Variants in GRIK1 observed in about 807,000 individuals in gnomAD.
The protein encoded by GRIK1 is glutamate receptor ionotropic, kainate 1.
A neutral mutation model predicts 105.7 loss-of-function variants in GRIK1; 69 were observed. The observed-to-expected ratio is 0.65, with a 90% CI of 0.54 to 0.80. GRIK1 has a LOEUF of 0.80. GRIK1 is among the 30% of genes least tolerant of loss of function. GRIK1 has a pLI of 0.00. For missense variants in GRIK1, 1,109 were observed against 1,167.3 expected, an observed-to-expected ratio of 0.95 and a Z score of 0.73; for synonymous variants, 438 against 431.3, an observed-to-expected ratio of 1.02 and a Z score of -0.19.
At chr21:29,906,164 G>A (rs773917819) in intron 1 of GRIK1, among the ~76,000 whole-genome samples, 16 of 152,104 alleles carry the variant, frequency 1.1e-4, no homozygotes, top group Non-Finnish European at 2.2e-4. Context: ...TGTTAGAAAA[G>A]GAAAATAATT....
chr21:29,561,363 G>T (rs530266215), intron 15 of GRIK1, among the ~76,000 whole-genome samples: 1 of 152,114 alleles, frequency 6.6e-6, no homozygotes. Flanking sequence ...TATTTGGGGT[G>T]AAATAATAAA....
At chr21:29,753,864 T>C (rs1221691737) in intron 1 of GRIK1, among the ~76,000 whole-genome samples, 1 of 152,028 alleles carries the variant, frequency 6.6e-6, no homozygotes, top group East Asian at 1.9e-4. Flanking sequence ...CCTTGTATAA[T>C]ATATATATAA....
intron 7 of GRIK1, among the ~76,000 whole-genome samples, chr21:29,620,793 CTATATATATATAGA>C (rs1207474381): frequency 8.2e-6 from 1 of 121,536 alleles, no homozygotes; most frequent in Admixed American, 8.8e-5. Flanking sequence ...ATATATATAT[CTATATATATATAGA>C]TATATATATA....
chr21:29,926,583 CT>C (rs2071378997), intron 1 of GRIK1, among the ~76,000 whole-genome samples: 4 of 152,006 alleles, frequency 2.6e-5, no homozygotes, highest in Non-Finnish European at 5.9e-5. Flanking sequence ...TTTAAAGGCT[CT>C]GCCTCGTGTT....
chr21:29,933,161 C>T (rs890283489), intron 1 of GRIK1, among the ~76,000 whole-genome samples: 2 of 151,792 alleles, frequency 1.3e-5, no homozygotes, highest in Admixed American at 6.6e-5. Flanking sequence ...TGTTAAGTTC[C>T]GGGTACATGG....
intron 1 of GRIK1, among the ~76,000 whole-genome samples, chr21:29,848,875 C>A (rs1423282785): frequency 6.8e-6 from 1 of 147,366 alleles, no homozygotes; most frequent in Non-Finnish European, 1.5e-5. Context: ...TCTTAAATGT[C>A]GTCTCTTATG....
intron 1 of GRIK1, among the ~76,000 whole-genome samples, chr21:29,901,847 AAGG>A (rs2070422196): frequency 1.3e-5 from 2 of 152,192 alleles, no homozygotes; most frequent in African/African-American, 2.4e-5. Flanking sequence ...CAAGAAAAAA[AAGG>A]AGAATTTTAG....
chr21:29,550,689 C>T (rs147841663), intron 16 of GRIK1, among the ~76,000 whole-genome samples: 210 of 152,234 alleles, frequency 1.4e-3, no homozygotes, highest in African/African-American at 4.8e-3. Flanking sequence ...GAGCTTGAGC[C>T]TCTAAATTAG....
chr21:29,697,924 C>CTTTCTTTCTT (rs201170156), intron 1 of GRIK1, among the ~76,000 whole-genome samples: 1 of 124,006 alleles, frequency 8.1e-6, no homozygotes, highest in Admixed American at 7.6e-5. Context: ...CTTTCTCTCT[C>CTTTCTTTCTT]TCTCTCTTTC....
intron 1 of GRIK1, among the ~76,000 whole-genome samples, chr21:29,803,513 G>A (rs1441973810): frequency 2.6e-5 from 4 of 152,072 alleles, no homozygotes; most frequent in African/African-American, 9.7e-5. Context: ...AATTTTCTGG[G>A]CTGGGGCTCT....
At chr21:29,802,759 G>C (rs1456646519) in intron 1 of GRIK1, among the ~76,000 whole-genome samples, 1 of 152,146 alleles carries the variant, frequency 6.6e-6, no homozygotes, top group Non-Finnish European at 1.5e-5. Flanking sequence ...TGAACCCTCT[G>C]TCTGCCAAGA....
intron 1 of GRIK1, among the ~76,000 whole-genome samples, chr21:29,750,682 A>G (rs544700249): frequency 2.6e-5 from 4 of 152,294 alleles, no homozygotes; most frequent in Middle Eastern, 6.8e-3. Flanking sequence ...GAATTGAGAG[A>G]AGCAAAATTT....
chr21:29,609,898 T>A (rs1376057897), intron 7 of GRIK1, among the ~76,000 whole-genome samples: 1 of 152,166 alleles, frequency 6.6e-6, no homozygotes, highest in Non-Finnish European at 1.5e-5. Context: ...CCTATTGGTT[T>A]TGTTTCTCTG....
At chr21:29,784,329 T>G (rs1259843747) in intron 1 of GRIK1, among the ~76,000 whole-genome samples, 3 of 152,212 alleles carry the variant, frequency 2.0e-5, no homozygotes, top group Non-Finnish European at 4.4e-5. Context: ...GAAGTGTGAT[T>G]ACTGGGTCAA....
intron 1 of GRIK1, among the ~76,000 whole-genome samples, chr21:29,843,834 C>T (rs192926324): frequency 6.6e-5 from 10 of 152,276 alleles, no homozygotes; most frequent in African/African-American, 2.2e-4. Flanking sequence ...TTCTGCTTTG[C>T]TGATGATTTA....
intron 2 of GRIK1, among the ~76,000 whole-genome samples, chr21:29,692,081 G>A (rs1255936583): frequency 6.6e-6 from 1 of 152,206 alleles, no homozygotes; most frequent in African/African-American, 2.4e-5. Flanking sequence ...AATGGATTGA[G>A]ATTCCTGTTA....
At chr21:29,617,879 T>A (rs1054380921) in intron 7 of GRIK1, among the ~76,000 whole-genome samples, 12 of 152,246 alleles carry the variant, frequency 7.9e-5, no homozygotes, top group Non-Finnish European at 4.4e-5. Context: ...ATTTAGAATA[T>A]GTTTATTTAA....
In GRIK1 at chr21:29,684,513, C is replaced by CT. The variant is rs879775364; in HGVS notation, c.544+5214dup. On this transcript the variant is annotated intron_variant, in intron 3 of 17. Coordinates refer to ENST00000327783, the MANE Select transcript of GRIK1 (RefSeq NM_001330994.2). The stretch of plus-strand genomic sequence containing the variant: ...ACTTTTAATAGCAAAAACGCAATTA[C>CT]TTTTTTTTTTTGAGATGGAGTCTTT... Among the ~76,000 whole-genome samples the CT allele has an allele frequency of 3.2e-4, 47 of 147,736 alleles. 1 individual carries two copies. The highest frequency in any genetic ancestry group is 4.2e-4 in the African/African-American group (17 of 40,470).
intron 1 of GRIK1, among the ~76,000 whole-genome samples, chr21:29,704,812 G>A (rs2146783107): frequency 6.6e-6 from 1 of 152,284 alleles, no homozygotes; most frequent in Non-Finnish European, 1.5e-5. Context: ...TCATCAGGCT[G>A]CCAGCCCCTT....
Sources: gnomAD v4.1 joint callset for allele counts (sites outside exome capture counted in the v4.1 genomes callset) on GRCh38, gnomAD v4.1.1 for gene constraint, MANE v1.5 for transcripts, NCBI Gene and HGNC (gene_info 2026-07-23, HGNC 2026-07-21) for gene names.